TYRO3: variants seen among roughly 807,000 people sequenced by gnomAD.
The protein encoded by TYRO3 is TYRO3 protein tyrosine kinase.
Under a neutral mutation model 95.2 loss-of-function variants are expected in TYRO3, and 38 were observed. The ratio of observed to expected loss-of-function variants is 0.40; its 90% CI spans 0.31 to 0.52. TYRO3 has a LOEUF of 0.52. Among genes scored for constraint, TYRO3 ranks in the 20% least tolerant of loss-of-function variants. The probability of loss-of-function intolerance (pLI) is 0.56; values close to 1 mark genes in which losing one functional copy is unlikely to be tolerated. For synonymous variants in TYRO3, 367 were observed against 432.9 expected, an observed-to-expected ratio of 0.85 and a Z score of 1.89; for missense variants, 812 against 1,116.4, an observed-to-expected ratio of 0.73 and a Z score of 3.89.
intron 18 of TYRO3, among the ~76,000 whole-genome samples, chr15:41,576,505 T>A (rs1193540735): frequency 6.6e-6 from 1 of 152,060 alleles, no homozygotes; most frequent in Non-Finnish European, 1.5e-5. Context: ...TTTTTGTATT[T>A]TTTAGTAGAC....
At chr15:41,560,420 TGTGTGTGTGCGC>T (rs1332400853) in intron 1 of TYRO3, among the ~76,000 whole-genome samples, 108 of 143,600 alleles carry the variant, frequency 7.5e-4, no homozygotes, top group African/African-American at 2.4e-3. Flanking sequence ...TGTGTGTGTG[TGTGTGTGTGCGC>T]GCGCGCGCGC....
intron 8 of TYRO3, 130 bp from the exon 9 acceptor site, chr15:41,568,748 C>T: frequency 1.8e-6 from 2 of 1,089,390 alleles, no homozygotes; most frequent in Non-Finnish European, 2.6e-6. Context: ...AGGTTGTGTT[C>T]CTGCAGCCCC....
chr15:41,565,572 G>A (rs994149047), intron 6 of TYRO3, among the ~76,000 whole-genome samples: 9 of 142,648 alleles, frequency 6.3e-5, no homozygotes, highest in African/African-American at 2.4e-4. Context: ...GCACCACCAC[G>A]CCCAGCTAAC....
chr15:41,573,916 T>G, intron 18 of TYRO3, 101 bp downstream of exon 18: 2 of 1,149,370 alleles, frequency 1.7e-6, no homozygotes, highest in Non-Finnish European at 2.4e-6. Context: ...TGTTTTTTGA[T>G]AGAAACATCC....
chr15:41,580,265 C>T lies in TYRO3; in HGVS notation c.*1989C>T, dbSNP rs575141042. The T allele has an allele frequency of 6.6e-6, 1 of 152,152 alleles. No individual in the cohort carries two copies. Among genetic ancestry groups the T allele is most frequent in the South Asian group, 2.1e-4 (1 of 4,816 alleles). 9.4% of individuals were successfully genotyped at this position (152,152 alleles called of 1,614,324 possible). On this transcript the variant is annotated 3_prime_UTR_variant, in exon 19 of 19. Transcript: ENST00000263798. Reference sequence around the variant, plus strand: ...GTGGCTCACGCCTGTAATCCCAGCACTTTGGGAGACCTGGGTGTGTGGATC... The same window carrying T: ...GTGGCTCACGCCTGTAATCCCAGCATTTTGGGAGACCTGGGTGTGTGGATC...
chr15:41,568,043 C>G (rs555768087), intron 7 of TYRO3, among the ~76,000 whole-genome samples, 174 bp from the exon 8 acceptor site: 6 of 152,282 alleles, frequency 3.9e-5, no homozygotes, highest in African/African-American at 1.4e-4. Flanking sequence ...CTGCCCATTG[C>G]TTACCCCTCC....
Position 41,560,428 on chromosome 15 carries a change from T to TGTGCGC in TYRO3, c.125-698_125-697insTGCGCG, listed in dbSNP as rs1408766845. Among the ~76,000 whole-genome samples the TGTGCGC allele has an allele frequency of 5.5e-3, 742 of 135,278 alleles. 3 individuals are homozygous for TGTGCGC. The highest frequency in any genetic ancestry group is 9.4e-3 in the South Asian group (40 of 4,264). The allele number at this position is 135,278 out of a possible 152,430, so 88.7% of individuals were successfully genotyped here. On this transcript the variant is annotated intron_variant, in intron 1 of 18. Coordinates refer to ENST00000263798, the MANE Select transcript of TYRO3 (RefSeq NM_006293.4). ...GTGTGTGTGTGTGTGTGTGTGTGTG[T>TGTGCGC]GCGCGCGCGCGCGCGCGCTCGCACG... is the stretch of plus-strand genomic sequence containing the variant.
At chr15:41,571,772 C>T (rs1323465004) in intron 14 of TYRO3, 85 bp downstream of exon 14, 2 of 778,626 alleles carry the variant, frequency 2.6e-6, no homozygotes, top group East Asian at 5.0e-5. Flanking sequence ...ATAGGAGAGA[C>T]TTTTGGACTC....
chr15:41,576,866 G>A (rs2055867661), intron 18 of TYRO3, among the ~76,000 whole-genome samples: 1 of 151,100 alleles, frequency 6.6e-6, no homozygotes, highest in South Asian at 2.1e-4. Context: ...GTCTCGCTAT[G>A]TTGTCCAGAC....
chr15:41,567,453 A>G lies in TYRO3; in HGVS notation c.877A>G (p.Asn293Asp). ...CLLRDLVPAT[N>D]YSLRVRCANA... ...GCTCCGGGACCTGGTGCCTGCCACC[A>G]ACTACAGCCTCAGGGTGCGCTGTGC... The change falls in exon 7 of 19, where the codon AAC becomes GAC. Residue 293 changes from asparagine to aspartate, a missense_variant. Coordinates refer to ENST00000263798, the MANE Select transcript of TYRO3 (RefSeq NM_006293.4). 1 of 1,609,636 alleles carries G rather than the reference A, an allele frequency of 6.2e-7. No individual in the cohort carries two copies. Among genetic ancestry groups the G allele is most frequent in the Middle Eastern group, 1.7e-4 (1 of 6,008 alleles).
At chr15:41,573,490 C>T (rs2055825397) in intron 17 of TYRO3, 23 bp downstream of exon 17, 1 of 1,313,188 alleles carries the variant, frequency 7.6e-7, no homozygotes, top group African/African-American at 1.5e-5. Flanking sequence ...GCCCGTGAAG[C>T]TTGGTGGGGA....
At position 41,562,738 on chromosome 15, in the gene TYRO3, G is replaced by T. The variant is rs573908040; in HGVS notation, c.580+20G>T. On this transcript the variant is annotated intron_variant, in intron 4 of 18. Transcript: ENST00000263798. Reference sequence around the variant, plus strand: ...TAACAGGTGAGCAGCCTCAGAAGGGGGCTGGGAGTGGAGAAGGAGCTGGGT... The same window carrying T: ...TAACAGGTGAGCAGCCTCAGAAGGGTGCTGGGAGTGGAGAAGGAGCTGGGT... 2.5e-6 allele frequency: 4 copies of T among 1,594,928 alleles called. No individual in the cohort carries two copies. The highest frequency in any genetic ancestry group is 1.1e-5 in the South Asian group (1 of 88,654).
rs1326506868 is a variant in TYRO3 at position 41,567,421 on chromosome 15, C to A, written c.845C>A (p.Thr282Asn). ...GTTGTGGTCCCTGTGCCCCCCTTTA[C>A]CTGCCTGCTCCGGGACCTGGTGCCT... ...LAVVVPVPPF[T>N]CLLRDLVPAT... Residue 282 changes from threonine to asparagine, a missense_variant, in exon 7 of 19, where the codon ACC becomes AAC. Physicochemically the swap from Thr to Asn is moderately conservative, Grantham distance 65. Coordinates refer to ENST00000263798, the MANE Select transcript of TYRO3 (RefSeq NM_006293.4). The A allele has an allele frequency of 6.2e-7, 1 of 1,610,302 alleles. No homozygotes were observed. Among genetic ancestry groups the A allele is most frequent in the South Asian group, 1.1e-5 (1 of 90,484 alleles).
Position 41,578,230 on chromosome 15 carries a change from G to A in TYRO3, c.2627G>A (p.Arg876Lys). The A allele has an allele frequency of 1.9e-6, 3 of 1,613,670 alleles. No individual in the cohort carries two copies. Among genetic ancestry groups the A allele is most frequent in the Non-Finnish European group, 2.5e-6 (3 of 1,180,034 alleles). The change falls in exon 19 of 19, where the codon AGG becomes AAG. Residue 876 changes from arginine to lysine, a missense_variant. Arg to Lys is a conservative substitution (Grantham distance 26). Transcript: ENST00000263798. ...GAGAGTCCCCTCAATGAGACACAGA[G>A]GCTTTTGCTGCTGCAGCAAGGGCTA... Reference protein sequence around the residue: ...QPESPLNETQRLLLLQQGLLP... With the variant: ...QPESPLNETQKLLLLQQGLLP...
intron 18 of TYRO3, among the ~76,000 whole-genome samples, chr15:41,576,188 A>G (rs1316102603): frequency 6.6e-6 from 1 of 151,270 alleles, no homozygotes; most frequent in African/African-American, 2.4e-5. Context: ...ATATATGAAT[A>G]GTGAGGACTT....
rs1190924069 is a variant in TYRO3 at position 41,578,836 on chromosome 15, C to G, written c.*560C>G. ...CTTCACCATCTTTCTGATTCCGCAC[C>G]CTGCCTACGCCAGGAGAAGTTGAGG... On this transcript the variant is annotated 3_prime_UTR_variant, in exon 19 of 19. Coordinates refer to ENST00000263798, the MANE Select transcript of TYRO3 (RefSeq NM_006293.4). The G allele has an allele frequency of 6.4e-6, 1 of 156,666 alleles. No individual in the cohort carries two copies. Among genetic ancestry groups the G allele is most frequent in the African/African-American group, 2.4e-5 (1 of 41,454 alleles). The allele number at this position is 156,666 out of a possible 1,614,324, so 9.7% of individuals were successfully genotyped here. A position where few individuals can be genotyped will look rare whatever the true frequency, so the allele number is the denominator to read the frequency against.
At position 41,577,926 on chromosome 15, in the gene TYRO3, C is replaced by T; in HGVS notation, c.2323C>T (p.Gln775Ter). The T allele has an allele frequency of 3.7e-6, 6 of 1,613,098 alleles. No individual in the cohort carries two copies. Among genetic ancestry groups the T allele is most frequent in the Non-Finnish European group, 5.1e-6 (6 of 1,180,044 alleles). Residue 775 changes from glutamine to a stop codon, truncating the protein, a stop_gained, in exon 19 of 19, where the codon CAG (glutamine) becomes TAG (stop). Transcript: ENST00000263798. LOFTEE classifies it high-confidence loss of function. Reference protein sequence around the residue: ...MYQCWSADPKQRPSFTCLRME... With the variant: ...MYQCWSADPK ...CCAGTGCTGGAGTGCTGACCCCAAGCAGCGCCCGAGCTTTACTTGTCTGCG... is the reference window on the plus strand; with the variant it reads ...CCAGTGCTGGAGTGCTGACCCCAAGTAGCGCCCGAGCTTTACTTGTCTGCG...
rs763795898 is a variant in TYRO3, at chr15:41,568,963, A to G, written c.1193A>G (p.Asn398Ser). The change falls in exon 9 of 19, where the codon AAT becomes AGT. Residue 398 changes from asparagine (N) to serine (S), a missense_variant. Asn to Ser is a conservative substitution (Grantham distance 46, BLOSUM62 1). Coordinates refer to ENST00000263798, the MANE Select transcript of TYRO3 (RefSeq NM_006293.4). Reference sequence around the variant, plus strand: ...CTGATCGTACGTGTGTGCGTCTCCAATGCAGTTGGCTGTGGACCCTGGAGT... The same window carrying G: ...CTGATCGTACGTGTGTGCGTCTCCAGTGCAGTTGGCTGTGGACCCTGGAGT... ...KDLIVRVCVS[N>S]AVGCGPWSQP... 2.7e-5 allele frequency: 44 copies of G among 1,614,098 alleles called. No homozygotes were observed. The highest frequency in any genetic ancestry group is 2.2e-4 in the East Asian group (10 of 44,886).
Position 41,570,623 on chromosome 15 carries a change from C to G in TYRO3, c.1503C>G (p.Ser501Arg), listed in dbSNP as rs181624470. Residue 501 changes from serine to arginine, a missense_variant, in exon 12 of 19, where the codon AGC (serine) becomes AGG (arginine). Coordinates refer to ENST00000263798, the MANE Select transcript of TYRO3 (RefSeq NM_006293.4). ...IEATLDSLGISDELKEKLEDV... is the reference protein window; with the variant it reads ...IEATLDSLGIRDELKEKLEDV... ...CCACAGTGGACAGCTTGGGCATCAG[C>G]GATGAACTAAAGGAAAAACTGGAGG... 1 of 1,614,066 alleles carries G rather than the reference C, an allele frequency of 6.2e-7. No homozygotes were observed. The highest frequency in any genetic ancestry group is 8.5e-7 in the Non-Finnish European group (1 of 1,180,014).
Sources: allele counts gnomAD v4.1 joint callset (sites outside exome capture counted in the v4.1 genomes callset), GRCh38; gene constraint gnomAD v4.1.1; transcripts MANE v1.5; gene names NCBI Gene and HGNC (gene_info 2026-07-23, HGNC 2026-07-21).